The following MITF variants were observed in gnomAD, a reference collection of about 807,000 sequenced individuals.
MITF encodes the protein microphthalmia-associated transcription factor.
In MITF, 17 loss-of-function variants were observed where a neutral mutation model predicts 60.5. The ratio of observed to expected loss-of-function variants is 0.28; its 90% CI spans 0.19 to 0.42. The LOEUF is 0.42. MITF is among the 10% of genes least tolerant of loss of function. The pLI is 1.00. For synonymous variants in MITF, 260 were observed against 248.5 expected, an observed-to-expected ratio of 1.05 and a Z score of -0.43; for missense variants, 622 against 683.5, an observed-to-expected ratio of 0.91 and a Z score of 1.00.
chr3:69,931,458 T>C (rs9822057), intron 2 of MITF, among the ~76,000 whole-genome samples: 45,542 of 152,054 alleles, frequency 0.3, 7,971 homozygotes, highest in African/African-American at 0.49. Context: ...AAAGTATGCC[T>C]GTCTTGTGGT....
In MITF at chr3:69,965,173, A is replaced by G. The variant is rs2066658662; in HGVS notation, c.1506A>G (p.Ser502=). Residue 502 remains serine (S), a synonymous_variant, in exon 10 of 10, where the codon TCA becomes TCG. Transcript: ENST00000352241. The part of the protein sequence containing the change: ...PVGVTDPLLS[S]VSPGASKTSS... ...GTGTCACTGATCCACTCCTTTCCTCAGTGTCCCCCGGAGCTTCCAAAACAA... is the reference window on the plus strand; with the variant it reads ...GTGTCACTGATCCACTCCTTTCCTCGGTGTCCCCCGGAGCTTCCAAAACAA... 3.1e-6 allele frequency: 5 copies of G among 1,613,860 alleles called. No homozygotes were observed. Among genetic ancestry groups the G allele is most frequent in the Non-Finnish European group, 4.2e-6 (5 of 1,179,858 alleles).
At chr3:69,951,700 A>C (rs1421446033) in intron 6 of MITF, 112 bp from the exon 7 acceptor site, 3 of 788,492 alleles carry the variant, frequency 3.8e-6, no homozygotes, top group Non-Finnish European at 6.5e-6. Flanking sequence ...ATTTTTACTT[A>C]GAGTCAAGTC....
chr3:69,938,214 T>C, intron 3 of MITF, 165 bp downstream of exon 3: 5 of 1,121,348 alleles, frequency 4.5e-6, no homozygotes, highest in Non-Finnish European at 5.3e-6. Flanking sequence ...GCCTGTTGTC[T>C]CCATCGCTGG....
At chr3:69,800,273 C>T (rs963115431) in intron 1 of MITF, among the ~76,000 whole-genome samples, 1 of 152,100 alleles carries the variant, frequency 6.6e-6, no homozygotes, top group South Asian at 2.1e-4. Context: ...AAGGAATGAC[C>T]TTTTTATGGT....
intron 5 of MITF, among the ~76,000 whole-genome samples, chr3:69,943,391 T>C (rs1000941368): frequency 2.6e-5 from 4 of 152,206 alleles, no homozygotes; most frequent in Admixed American, 6.5e-5. Flanking sequence ...TGACCTTGCA[T>C]GTTATTTAGC....
intron 1 of MITF, among the ~76,000 whole-genome samples, chr3:69,817,532 A>C (rs2063200405): frequency 6.6e-6 from 1 of 151,992 alleles, no homozygotes; most frequent in African/African-American, 2.4e-5. Flanking sequence ...GTGTGTGTGC[A>C]TGAAAAACTT....
intron 1 of MITF, among the ~76,000 whole-genome samples, chr3:69,744,567 A>G (rs1452870515): frequency 1.3e-5 from 2 of 152,224 alleles, no homozygotes; most frequent in African/African-American, 4.8e-5. Context: ...GGCACCTGAC[A>G]CACAGTAAGT....
At chr3:69,797,997 T>C (rs990987015) in intron 1 of MITF, among the ~76,000 whole-genome samples, 4 of 152,202 alleles carry the variant, frequency 2.6e-5, no homozygotes, top group Admixed American at 2.0e-4. Flanking sequence ...AGCATTCAAA[T>C]TGAAGAGGAA....
chr3:69,905,297 G>T (rs1190614240), intron 2 of MITF, among the ~76,000 whole-genome samples: 1 of 152,050 alleles, frequency 6.6e-6, no homozygotes, highest in Non-Finnish European at 1.5e-5. Context: ...CAGCCATTTT[G>T]TGGCACGTAT....
chr3:69,763,921 C>T, intron 1 of MITF: 1 of 1,370,468 alleles, frequency 7.3e-7, no homozygotes, highest in Non-Finnish European at 9.8e-7. Flanking sequence ...AGGAAATTGA[C>T]TCTGTGCCTG....
At chr3:69,904,590 C>A (rs560370136) in intron 2 of MITF, among the ~76,000 whole-genome samples, 1 of 152,162 alleles carries the variant, frequency 6.6e-6, no homozygotes, top group Non-Finnish European at 1.5e-5. Flanking sequence ...CTACTCACTC[C>A]TTCCGTAGAA....
At position 69,956,102 on chromosome 3, in the gene MITF, G is replaced by C. The variant is rs915457768; in HGVS notation, c.956-353G>C. Among the ~76,000 whole-genome samples, 4 of 152,268 alleles carry C rather than the reference G, an allele frequency of 2.6e-5. No individual in the cohort carries two copies. In the South Asian group the frequency reaches 8.3e-4, roughly 32 times the overall value. On this transcript the variant is annotated intron_variant, in intron 7 of 9. Transcript: ENST00000352241. ...AGTTTGCTGACTTCTGCTCTAAGGG[G>C]TTAGGTTAGAATTTGGGCTTTCACC...
At chr3:69,776,506 T>C (rs1433884127) in intron 1 of MITF, among the ~76,000 whole-genome samples, 1 of 152,162 alleles carries the variant, frequency 6.6e-6, no homozygotes. Flanking sequence ...ACCTGCTACA[T>C]AGGGTTATTA....
chr3:69,757,470 TG>T (rs1223161984), intron 1 of MITF, among the ~76,000 whole-genome samples: 1 of 152,212 alleles, frequency 6.6e-6, no homozygotes, highest in Non-Finnish European at 1.5e-5. Flanking sequence ...TGAGTGGTTA[TG>T]TGTTCAGAGA....
At chr3:69,850,334 G>A (rs1325276485) in intron 1 of MITF, among the ~76,000 whole-genome samples, 2 of 152,084 alleles carry the variant, frequency 1.3e-5, no homozygotes, top group Non-Finnish European at 1.5e-5. Context: ...AAACCGTTTG[G>A]CAAGTGATAC....
At position 69,792,753 on chromosome 3, in the gene MITF, A is replaced by AT. The variant is rs375087875; in HGVS notation, c.104+53059dup. Among the ~76,000 whole-genome samples the AT allele has an allele frequency of 9.0e-4, 137 of 152,106 alleles. 1 individual carries two copies. In the East Asian group the frequency reaches 0.023, roughly 25 times the overall value. On this transcript the variant is annotated intron_variant, in intron 1 of 9. Transcript: ENST00000352241. ...TCAAAATCGCTACTTTTAATGGCTAATTTTTTTAATAGTATAGTTTTATCA... is the reference window on the plus strand; with the variant it reads ...TCAAAATCGCTACTTTTAATGGCTAATTTTTTTTAATAGTATAGTTTTATCA...
chr3:69,814,065 C>G (rs2063142703), intron 1 of MITF, among the ~76,000 whole-genome samples: 1 of 151,930 alleles, frequency 6.6e-6, no homozygotes, highest in African/African-American at 2.4e-5. Context: ...TGCTATTGGT[C>G]AGGTCACTGT....
chr3:69,762,074 A>C (rs1247571149), intron 1 of MITF, among the ~76,000 whole-genome samples: 1 of 152,196 alleles, frequency 6.6e-6, no homozygotes, highest in Non-Finnish European at 1.5e-5. Context: ...GGCATGCCAG[A>C]GGTCTTTAAA....
At position 69,792,153 on chromosome 3, in the gene MITF, G is replaced by A. The variant is rs538597180; in HGVS notation, c.104+52452G>A. 2.0e-5 allele frequency among the ~76,000 whole-genome samples: 3 copies of A among 152,332 alleles called. No individual in the cohort carries two copies. The East Asian group carries it at 5.8e-4, about 29-fold the overall frequency. On this transcript the variant is annotated intron_variant, in intron 1 of 9. Coordinates refer to ENST00000352241, the MANE Select transcript of MITF (RefSeq NM_001354604.2). ...CACTATCTGATGCAGAATTTTCAAAGATGAGTAGTGGATCAGAGAAACGAA... is the reference window on the plus strand; with the variant it reads ...CACTATCTGATGCAGAATTTTCAAAAATGAGTAGTGGATCAGAGAAACGAA...
Sources: allele counts gnomAD v4.1 joint callset (sites outside exome capture counted in the v4.1 genomes callset), GRCh38; gene constraint gnomAD v4.1.1; transcripts MANE v1.5; gene names NCBI Gene and HGNC (gene_info 2026-07-23, HGNC 2026-07-21).